SMCO4: variants seen among roughly 807,000 people sequenced by gnomAD.
The protein encoded by SMCO4 is single-pass membrane and coiled-coil domain-containing protein 4.
A neutral mutation model predicts 3.6 loss-of-function variants in SMCO4; 4 were observed. The observed-to-expected ratio is 1.11, with a 90% CI of 0.54 to 2.53. SMCO4 has a LOEUF of 2.53. Ranked by LOEUF, SMCO4 falls within the 30% of genes most tolerant of loss-of-function variation. The probability of loss-of-function intolerance (pLI) is 0.02; values close to 1 mark genes in which losing one functional copy is unlikely to be tolerated. For synonymous variants in SMCO4, 36 were observed against 35.3 expected (o/e 1.02, Z -0.07); for missense variants, 70 against 80.8 (o/e 0.87, Z 0.51).
At chr11:93,502,136 C>G (rs1948846716) in intron 1 of SMCO4, among the ~76,000 whole-genome samples, 1 of 152,168 alleles carries the variant, frequency 6.6e-6, no homozygotes, top group African/African-American at 2.4e-5. Context: ...ACCCCATACT[C>G]CTGTCCCTCA....
chr11:93,531,229 T>C (rs1949158584), intron 1 of SMCO4, among the ~76,000 whole-genome samples: 1 of 152,244 alleles, frequency 6.6e-6, no homozygotes, highest in African/African-American at 2.4e-5. Context: ...GGAATTCCTC[T>C]TGCAGTGTAT....
intron 1 of SMCO4, among the ~76,000 whole-genome samples, chr11:93,527,102 C>A (rs1168698134): frequency 6.6e-6 from 1 of 152,232 alleles, no homozygotes; most frequent in African/African-American, 2.4e-5. Flanking sequence ...CAGCCACACA[C>A]CCTAAATCGG....
intron 1 of SMCO4, among the ~76,000 whole-genome samples, chr11:93,527,307 G>A (rs1949118267): frequency 6.6e-6 from 1 of 152,126 alleles, no homozygotes; most frequent in Non-Finnish European, 1.5e-5. Flanking sequence ...TTCAAATCCT[G>A]CCTCTGAAGC....
At chr11:93,522,152 G>C (rs898865698) in intron 1 of SMCO4, among the ~76,000 whole-genome samples, 1 of 152,122 alleles carries the variant, frequency 6.6e-6, no homozygotes, top group African/African-American at 2.4e-5. Context: ...TAAGTTTCTT[G>C]GGCTATCGGG....
intron 1 of SMCO4, among the ~76,000 whole-genome samples, chr11:93,514,419 T>TATATATATAA (rs1555077574): frequency 3.8e-4 from 16 of 42,566 alleles, no homozygotes; most frequent in African/African-American, 1.2e-3. Context: ...TATATATATA[T>TATATATATAA]ATAAAATTTG....
intron 2 of SMCO4, among the ~76,000 whole-genome samples, chr11:93,491,485 G>A (rs966408067): frequency 2.6e-5 from 4 of 152,020 alleles, no homozygotes; most frequent in Non-Finnish European, 5.9e-5. Flanking sequence ...TGACATCCCC[G>A]TGCTGTTGGC....
At chr11:93,519,766 TG>T (rs1279431411) in intron 1 of SMCO4, among the ~76,000 whole-genome samples, 1 of 152,172 alleles carries the variant, frequency 6.6e-6, no homozygotes, top group African/African-American at 2.4e-5. Context: ...CCTCAGTACT[TG>T]GGTTGAGAAG....
At chr11:93,551,329 T>C in the SMCO4 span, among the ~76,000 whole-genome samples, 2 of 152,180 alleles carry the variant, frequency 1.3e-5, no homozygotes, top group Non-Finnish European at 2.9e-5. Flanking sequence ...GAACAGGTAT[T>C]GGCCCAGTGA....
chr11:93,529,883 T>C (rs1949146458), intron 1 of SMCO4, among the ~76,000 whole-genome samples: 1 of 152,160 alleles, frequency 6.6e-6, no homozygotes. Flanking sequence ...AGAACAACAA[T>C]GTGTGAACAC....
At position 93,514,413 on chromosome 11, in the gene SMCO4, T is replaced by TATATATATATATACAC. The variant is rs781423008; in HGVS notation, c.-153-15066_-153-15065insGTGTATATATATATAT. ...ATATATATATATATATATATATATA[T>TATATATATATATACAC]ATATATATAAAATTTGGTCTCTTCC... On this transcript the variant is annotated intron_variant, in intron 1 of 2. Coordinates refer to ENST00000298966, the MANE Select transcript of SMCO4 (RefSeq NM_020179.3). Among the ~76,000 whole-genome samples the TATATATATATATACAC allele has an allele frequency of 4.5e-3, 154 of 33,936 alleles. 19 individuals are homozygous for TATATATATATATACAC. The highest frequency in any genetic ancestry group is 6.6e-3 in the Non-Finnish European group (93 of 14,044). 22.3% of individuals were successfully genotyped at this position (33,936 alleles called of 152,430 possible).
At chr11:93,543,210 T>TGCCCCGC (rs1949286979) in intron 1 of SMCO4, 66 bp downstream of exon 1, 4 of 122,918 alleles carry the variant, frequency 3.3e-5, no homozygotes, top group South Asian at 2.4e-4. Context: ...CGGTGCCCCG[T>TGCCCCGC]GCCCCGCGCC....
chr11:93,518,931 T>C (rs1347800344), intron 1 of SMCO4, among the ~76,000 whole-genome samples: 1 of 152,232 alleles, frequency 6.6e-6, no homozygotes, highest in African/African-American at 2.4e-5. Flanking sequence ...TTCTCATTTT[T>C]AGTAAGACCA....
At position 93,507,331 on chromosome 11, in the gene SMCO4, C is replaced by T. The variant is rs569793079; in HGVS notation, c.-153-7983G>A. On this transcript the variant is annotated intron_variant, in intron 1 of 2. Transcript: ENST00000298966. The stretch of plus-strand genomic sequence containing the variant: ...ATGAGAATCACTTGAACCCGGGAAG[C>T]GGAGGTTGCAATGACCTGAGATTGT... 1.1e-4 allele frequency among the ~76,000 whole-genome samples: 16 copies of T among 152,166 alleles called. No individual in the cohort carries two copies. In the South Asian group the frequency reaches 1.2e-3, roughly 12 times the overall value.
chr11:93,502,968 G>A (rs1224200217), intron 1 of SMCO4, among the ~76,000 whole-genome samples: 1 of 152,168 alleles, frequency 6.6e-6, no homozygotes, highest in Non-Finnish European at 1.5e-5. Context: ...ACCAACTCAA[G>A]GAGGTAGGTA....
upstream of SMCO4, among the ~76,000 whole-genome samples, chr11:93,546,677 A>G (rs898396320): frequency 2.0e-5 from 3 of 152,210 alleles, no homozygotes; most frequent in African/African-American, 7.2e-5. Context: ...TTACGCTGTT[A>G]GTTGAACTCT....
chr11:93,489,966 C>T (rs1244715714), intron 2 of SMCO4, among the ~76,000 whole-genome samples: 2 of 152,204 alleles, frequency 1.3e-5, no homozygotes, highest in Non-Finnish European at 2.9e-5. Flanking sequence ...TACTTCCAGG[C>T]TCAGGGCAGT....
chr11:93,495,432 G>C (rs553887257), intron 2 of SMCO4, among the ~76,000 whole-genome samples: 1 of 152,062 alleles, frequency 6.6e-6, no homozygotes, highest in Admixed American at 6.5e-5. Context: ...ATGTGTGCAC[G>C]GCAGCACACG....
At chr11:93,502,892 A>G (rs1033288331) in intron 1 of SMCO4, among the ~76,000 whole-genome samples, 1 of 152,262 alleles carries the variant, frequency 6.6e-6, no homozygotes, top group Admixed American at 6.5e-5. Context: ...GCTACTCCTT[A>G]CACAGGCCAG....
At chr11:93,486,905 G>T (rs145427829) in intron 2 of SMCO4, among the ~76,000 whole-genome samples, 124 of 152,250 alleles carry the variant, frequency 8.1e-4, no homozygotes, top group African/African-American at 2.8e-3. Flanking sequence ...AGTTGAAGGC[G>T]CTCCCTAAGA....
Sources: gnomAD v4.1 joint callset for allele counts (sites outside exome capture counted in the v4.1 genomes callset) on GRCh38, gnomAD v4.1.1 for gene constraint, MANE v1.5 for transcripts, NCBI Gene and HGNC (gene_info 2026-07-23, HGNC 2026-07-21) for gene names.